Variants in CNTNAP5 observed in about 807,000 individuals in gnomAD.
CNTNAP5 encodes contactin-associated protein-like 5.
Under a neutral mutation model 150.2 loss-of-function variants are expected in CNTNAP5, and 72 were observed. The ratio of observed to expected loss-of-function variants is 0.48; its 90% CI spans 0.40 to 0.58. The LOEUF (loss-of-function observed/expected upper bound fraction) is 0.58, where lower values mean the gene tolerates loss of function less well. Among genes scored for constraint, CNTNAP5 ranks in the 20% least tolerant of loss-of-function variants. The pLI is 0.00. For missense variants in CNTNAP5, 1,636 were observed against 1,626.2 expected (o/e 1.01, Z -0.10); for synonymous variants, 672 against 619.8 (o/e 1.08, Z -1.25).
chr2:124,560,518 C>CAAAAA (rs11285774), intron 10 of CNTNAP5, among the ~76,000 whole-genome samples: 1 of 126,952 alleles, frequency 7.9e-6, no homozygotes. Flanking sequence ...GACTCCATTT[C>CAAAAA]AAAAAAAAAA....
At chr2:124,652,968 A>G (rs1452314282) in intron 13 of CNTNAP5, among the ~76,000 whole-genome samples, 1 of 152,208 alleles carries the variant, frequency 6.6e-6, no homozygotes. Context: ...TGGCTGTAGG[A>G]CAGCCTGAGC....
At chr2:124,879,598 C>A (rs1677927152) in intron 21 of CNTNAP5, among the ~76,000 whole-genome samples, 1 of 152,110 alleles carries the variant, frequency 6.6e-6, no homozygotes, top group South Asian at 2.1e-4. Flanking sequence ...CTCTCTGAGC[C>A]TTGGTTTCCT....
intron 13 of CNTNAP5, 48 bp from the exon 14 acceptor site, chr2:124,747,181 T>A: frequency 1.3e-6 from 2 of 1,577,652 alleles, no homozygotes; most frequent in Non-Finnish European, 1.7e-6. Context: ...TCCCCTGTGT[T>A]ACTTCAGGCT....
chr2:124,424,093 C>T (rs1175445497), intron 4 of CNTNAP5, among the ~76,000 whole-genome samples: 1 of 152,210 alleles, frequency 6.6e-6, no homozygotes, highest in Non-Finnish European at 1.5e-5. Context: ...CAAGACCTTG[C>T]TCCTATTTGG....
At chr2:124,054,475 A>C (rs1438357941) in intron 1 of CNTNAP5, among the ~76,000 whole-genome samples, 1 of 152,128 alleles carries the variant, frequency 6.6e-6, no homozygotes, top group Middle Eastern at 3.2e-3. Context: ...AGCCTCAGGG[A>C]CTTGTCTACT....
intron 4 of CNTNAP5, among the ~76,000 whole-genome samples, chr2:124,417,921 C>G (rs1382779495): frequency 1.3e-5 from 2 of 152,176 alleles, no homozygotes; most frequent in Non-Finnish European, 2.9e-5. Flanking sequence ...ATTATAAAGT[C>G]TTCTCTGCCC....
At chr2:124,588,177 CTTCTTTCTTTCTTTCTTTCT>C (rs746237108) in intron 11 of CNTNAP5, among the ~76,000 whole-genome samples, 15 of 110,928 alleles carry the variant, frequency 1.4e-4, no homozygotes, top group East Asian at 4.8e-4. Flanking sequence ...TCCTTCCTTC[CTTCTTTCTTTCTTTCTTTCT>C]TTCTTTCTTT....
chr2:124,204,297 G>C (rs1333332496), intron 1 of CNTNAP5, among the ~76,000 whole-genome samples: 1 of 152,114 alleles, frequency 6.6e-6, no homozygotes, highest in East Asian at 1.9e-4. Context: ...CTTCATCTGA[G>C]ACCACCTCAG....
At chr2:124,510,341 A>G (rs1295518180) in intron 8 of CNTNAP5, among the ~76,000 whole-genome samples, 4 of 102,316 alleles carry the variant, frequency 3.9e-5, no homozygotes, top group Non-Finnish European at 1.9e-5. Context: ...ATATATCTCC[A>G]TATGTCAACA....
intron 19 of CNTNAP5, among the ~76,000 whole-genome samples, chr2:124,843,606 A>C (rs1484408843): frequency 2.0e-5 from 3 of 152,134 alleles, no homozygotes; most frequent in African/African-American, 7.2e-5. Flanking sequence ...TAGCGGTTGC[A>C]CTGGTTTACA....
intron 13 of CNTNAP5, among the ~76,000 whole-genome samples, chr2:124,709,010 C>T (rs901808387): frequency 1.3e-5 from 2 of 152,152 alleles, no homozygotes; most frequent in African/African-American, 4.8e-5. Context: ...GTGCTTCATT[C>T]CACAGAATAT....
chr2:124,567,288 T>C (rs1049237266), intron 11 of CNTNAP5, among the ~76,000 whole-genome samples: 1 of 152,104 alleles, frequency 6.6e-6, no homozygotes, highest in African/African-American at 2.4e-5. Context: ...CTGTCGAAAG[T>C]AGAGATATCT....
At chr2:124,385,255 T>C (rs1690899145) in intron 3 of CNTNAP5, among the ~76,000 whole-genome samples, 1 of 152,214 alleles carries the variant, frequency 6.6e-6, no homozygotes, top group Non-Finnish European at 1.5e-5. Flanking sequence ...CAGGCATTAA[T>C]GGGAGAGAAA....
intron 1 of CNTNAP5, among the ~76,000 whole-genome samples, chr2:124,057,830 T>C (rs1049452324): frequency 2.0e-5 from 3 of 152,042 alleles, no homozygotes; most frequent in South Asian, 2.1e-4. Context: ...AAGTAGTTAA[T>C]TGTTTGTAAT....
In CNTNAP5 at chr2:124,025,317, TTTG is replaced by T; in HGVS notation, c.-333_-331del. ...CAGCTCTCGCGCCCGACGAGGTGGA[TTTG>T]GCTGTCCACCGAGCTCCGGCGCCTG... On this transcript the variant is annotated 5_prime_UTR_variant, in exon 1 of 24. The change creates a new upstream start codon in the 5' untranslated region. Coordinates refer to ENST00000682447, the MANE Select transcript of CNTNAP5 (RefSeq NM_001367498.1). The T allele has an allele frequency of 6.8e-6, 2 of 291,992 alleles. No homozygotes were observed. The highest frequency in any genetic ancestry group is 1.3e-5 in the Non-Finnish European group (2 of 148,408). The allele number at this position is 291,992 out of a possible 1,614,324, so 18.1% of individuals were successfully genotyped here. A position where few individuals can be genotyped will look rare whatever the true frequency, so the allele number is the denominator to read the frequency against.
At chr2:124,790,294 T>C (rs747895785) in intron 18 of CNTNAP5, among the ~76,000 whole-genome samples, 153 bp downstream of exon 18, 2 of 152,226 alleles carry the variant, frequency 1.3e-5, no homozygotes, top group Non-Finnish European at 1.5e-5. Flanking sequence ...TAATTGCATA[T>C]ACTTATTGGT....
chr2:124,663,033 C>A (rs577884750), intron 13 of CNTNAP5, among the ~76,000 whole-genome samples: 151 of 152,164 alleles, frequency 9.9e-4, no homozygotes, highest in Non-Finnish European at 1.1e-3. Flanking sequence ...CTAGTACACA[C>A]AAATTACAAA....
intron 3 of CNTNAP5, among the ~76,000 whole-genome samples, chr2:124,328,016 A>G (rs1342911386): frequency 6.6e-6 from 1 of 152,238 alleles, no homozygotes; most frequent in Non-Finnish European, 1.5e-5. Flanking sequence ...ATTGCCATAT[A>G]GAATGTGCTC....
Position 124,609,787 on chromosome 2 carries a change from C to T in CNTNAP5, c.1757-14C>T, listed in dbSNP as rs531724909. 2.8e-5 allele frequency: 45 copies of T among 1,612,702 alleles called. No homozygotes were observed. The South Asian group carries it at 4.0e-4, about 14-fold the overall frequency. On this transcript the variant is annotated splice_polypyrimidine_tract_variant and intron_variant, in intron 11 of 23. Transcript: ENST00000682447. ...CCAAGCAAAGTTTTATCTCTGCTGC[C>T]TTTGTCTTTCCAGCCATCTACGAGC...
Sources: gnomAD v4.1 joint callset for allele counts (sites outside exome capture counted in the v4.1 genomes callset) on GRCh38, gnomAD v4.1.1 for gene constraint, MANE v1.5 for transcripts, NCBI Gene and HGNC (gene_info 2026-07-23, HGNC 2026-07-21) for gene names.